IMMP2L: variants seen among roughly 807,000 people sequenced by gnomAD.
The protein encoded by IMMP2L is mitochondrial inner membrane protease subunit 2.
A neutral mutation model predicts 19.3 loss-of-function variants in IMMP2L; 18 were observed. The observed-to-expected ratio is 0.93, with a 90% confidence interval of 0.64 to 1.38. The LOEUF (loss-of-function observed/expected upper bound fraction) is 1.38, where lower values mean the gene tolerates loss of function less well. IMMP2L is among the 40% of genes most tolerant of loss of function. The pLI is 0.00. For missense variants in IMMP2L, 233 were observed against 218.2 expected, an observed-to-expected ratio of 1.07 and a Z score of -0.43; for synonymous variants, 76 against 73.0, an observed-to-expected ratio of 1.04 and a Z score of -0.21.
intron 5 of IMMP2L, among the ~76,000 whole-genome samples, chr7:110,733,396 A>G (rs1796401740): frequency 6.6e-6 from 1 of 151,836 alleles, no homozygotes; most frequent in African/African-American, 2.4e-5. Flanking sequence ...TTCTGCTTAC[A>G]TTTTATTAGC....
At chr7:110,868,041 G>A (rs139582803) in intron 5 of IMMP2L, among the ~76,000 whole-genome samples, 1 of 151,888 alleles carries the variant, frequency 6.6e-6, no homozygotes, top group Non-Finnish European at 1.5e-5. Flanking sequence ...CTCACCTTCA[G>A]AGAGACGCAA....
At chr7:111,418,118 C>G (rs1407777291) in intron 3 of IMMP2L, among the ~76,000 whole-genome samples, 1 of 151,840 alleles carries the variant, frequency 6.6e-6, no homozygotes, top group Non-Finnish European at 1.5e-5. Context: ...TGATCAGCAG[C>G]TATTTTTCCA....
intron 3 of IMMP2L, among the ~76,000 whole-genome samples, chr7:111,371,074 G>A (rs1316735194): frequency 6.6e-6 from 1 of 151,924 alleles, no homozygotes; most frequent in Non-Finnish European, 1.5e-5. Flanking sequence ...GTCAGAGTAT[G>A]CCAGGTGATG....
intron 3 of IMMP2L, among the ~76,000 whole-genome samples, chr7:111,096,852 T>C (rs1030439942): frequency 7.2e-5 from 11 of 152,100 alleles, no homozygotes; most frequent in African/African-American, 2.2e-4. Context: ...AATTTGAAAG[T>C]AAACTGGTAT....
chr7:111,001,964 T>C (rs1453236429), intron 3 of IMMP2L, among the ~76,000 whole-genome samples: 1 of 151,902 alleles, frequency 6.6e-6, no homozygotes, highest in African/African-American at 2.4e-5. Flanking sequence ...GCAAATACCA[T>C]CTAGGCATGT....
intron 3 of IMMP2L, among the ~76,000 whole-genome samples, chr7:111,209,929 T>C (rs1404915449): frequency 1.3e-5 from 2 of 152,298 alleles, no homozygotes; most frequent in African/African-American, 2.4e-5. Context: ...TATATGCCTA[T>C]TAGCCCTGTT....
chr7:111,162,762 G>A (rs972160198), intron 3 of IMMP2L, among the ~76,000 whole-genome samples: 1 of 151,474 alleles, frequency 6.6e-6, no homozygotes, highest in Non-Finnish European at 1.5e-5. Context: ...TCTGATCTCC[G>A]CTTGACTAAG....
At chr7:111,348,895 G>A (rs1489576301) in intron 3 of IMMP2L, among the ~76,000 whole-genome samples, 4 of 151,940 alleles carry the variant, frequency 2.6e-5, no homozygotes, top group Admixed American at 1.3e-4. Context: ...AAGCTCCTAA[G>A]GACTTTCCTG....
intron 4 of IMMP2L, among the ~76,000 whole-genome samples, chr7:110,916,999 C>T (rs1217043010): frequency 1.3e-5 from 2 of 151,994 alleles, no homozygotes; most frequent in African/African-American, 4.8e-5. Context: ...GGAAAAAGGG[C>T]CTCTATAGGT....
chr7:110,751,945 C>A (rs548638376), intron 5 of IMMP2L, among the ~76,000 whole-genome samples: 6 of 152,004 alleles, frequency 3.9e-5, no homozygotes, highest in Admixed American at 1.3e-4. Flanking sequence ...AATTCTCATC[C>A]CAATTGGCGG....
rs1815390206 is a variant in IMMP2L at position 111,243,339 on chromosome 7, T to C, written c.239+243899A>G. 2.0e-5 allele frequency among the ~76,000 whole-genome samples: 3 copies of C among 152,202 alleles called. No homozygotes were observed. In the South Asian group the frequency reaches 6.2e-4, roughly 32 times the overall value. ...AAAACTATGACATAACTGAGGCATG[T>C]TGACAGGAATGTACACAGTACTAGT... is the stretch of plus-strand genomic sequence containing the variant. On this transcript the variant is annotated intron_variant, in intron 3 of 5. Transcript: ENST00000405709.
At chr7:110,668,278 T>C (rs1407181116) in intron 5 of IMMP2L, among the ~76,000 whole-genome samples, 1 of 152,178 alleles carries the variant, frequency 6.6e-6, no homozygotes, top group Non-Finnish European at 1.5e-5. Flanking sequence ...AACCATTCCA[T>C]CTATGTTAAC....
intron 5 of IMMP2L, among the ~76,000 whole-genome samples, chr7:110,769,244 C>T (rs750645351): frequency 5.3e-5 from 8 of 152,200 alleles, no homozygotes; most frequent in Non-Finnish European, 1.0e-4. Context: ...ACTTCTTATA[C>T]TTTATGTCCA....
intron 3 of IMMP2L, among the ~76,000 whole-genome samples, chr7:110,976,382 A>C (rs1690428716): frequency 6.6e-6 from 1 of 152,062 alleles, no homozygotes; most frequent in Non-Finnish European, 1.5e-5. Flanking sequence ...CATTTAGCAT[A>C]ACGTCTTCAA....
chr7:110,692,597 C>G (rs535952764), intron 5 of IMMP2L, among the ~76,000 whole-genome samples: 1 of 152,212 alleles, frequency 6.6e-6, no homozygotes, highest in East Asian at 1.9e-4. Context: ...TTTGATTTCA[C>G]TGAAAATAAT....
At chr7:110,729,344 T>C (rs1690730722) in intron 5 of IMMP2L, among the ~76,000 whole-genome samples, 1 of 152,170 alleles carries the variant, frequency 6.6e-6, no homozygotes, top group Non-Finnish European at 1.5e-5. Flanking sequence ...ATATCTTAGA[T>C]GGTGGCAGGA....
At chr7:111,249,525 C>T (rs1022130254) in intron 3 of IMMP2L, among the ~76,000 whole-genome samples, 2 of 152,120 alleles carry the variant, frequency 1.3e-5, no homozygotes, top group Admixed American at 6.5e-5. Context: ...TGTTCCTATT[C>T]GGCCATCTTG....
intron 1 of IMMP2L, among the ~76,000 whole-genome samples, chr7:111,560,119 T>A (rs1358463035): frequency 6.6e-6 from 1 of 152,162 alleles, no homozygotes; most frequent in Non-Finnish European, 1.5e-5. Flanking sequence ...TATGTGTATA[T>A]ATGGAACAAA....
At chr7:110,972,429 A>T (rs1013019038) in intron 3 of IMMP2L, among the ~76,000 whole-genome samples, 1 of 152,136 alleles carries the variant, frequency 6.6e-6, no homozygotes, top group African/African-American at 2.4e-5. Context: ...AATGTTATGC[A>T]TATGTTTCTA....
Sources: gnomAD v4.1 joint callset for allele counts (sites outside exome capture counted in the v4.1 genomes callset) on GRCh38, gnomAD v4.1.1 for gene constraint, MANE v1.5 for transcripts, NCBI Gene and HGNC (gene_info 2026-07-23, HGNC 2026-07-21) for gene names.